Variants in ADGRB2 observed in about 807,000 individuals in gnomAD.
The protein encoded by ADGRB2 is adhesion G protein-coupled receptor B2.
In ADGRB2, 47 loss-of-function variants were observed where a neutral mutation model predicts 178.7. The ratio of observed to expected loss-of-function variants is 0.26; its 90% confidence interval spans 0.21 to 0.34. The LOEUF (loss-of-function observed/expected upper bound fraction) is 0.34. ADGRB2 is among the 10% of genes least tolerant of loss of function. The pLI is 1.00. For missense variants in ADGRB2, 1,584 were observed against 2,180.8 expected (o/e 0.73, Z 5.45); for synonymous variants, 870 against 912.4 (o/e 0.95, Z 0.84).
chr1:31,736,355 A>C lies in ADGRB2; in HGVS notation c.3166T>G (p.Phe1056Val). ...PALVVAVSVG[F>V]TRTKGYGTSS... ...GTACCGTATCCTTTCGTTCGGGTAA[A>C]GCCAACAGACACGGCCACCACCAGG... is the stretch of plus-strand genomic sequence containing the variant. Residue 1056 changes from phenylalanine (F) to valine (V), a missense_variant, in exon 22 of 33, where the codon TTT (phenylalanine) becomes GTT (valine). Physicochemically the swap from Phe to Val is conservative, Grantham distance 50. This residue lies in a region of ADGRB2 where 865 missense variants were observed against 1,192.8 expected (regional missense o/e 0.73). Coordinates refer to ENST00000373658, the MANE Select transcript of ADGRB2 (RefSeq NM_001364857.2). 6.2e-7 allele frequency: 1 copy of C among 1,614,068 alleles called. No individual in the cohort carries two copies. The highest frequency in any genetic ancestry group is 8.5e-7 in the Non-Finnish European group (1 of 1,179,996).
rs772910124 is a variant in ADGRB2 at position 31,741,862 on chromosome 1, T to G, written c.1523A>C (p.Gln508Pro). ...TCCGGTGCCCTCGCAGGGGTAGCCC[T>G]GCGTGCCCGTGGCCTGGCACATGCG... ...RFRMCQATGT[Q>P]GYPCEGTGEE... is the part of the protein sequence containing the mutation. Residue 508 changes from glutamine (Q) to proline (P), a missense_variant, in exon 9 of 33, where the codon CAG becomes CCG. By Grantham distance (76) the Gln-to-Pro change is moderately conservative (BLOSUM62 -1). Transcript: ENST00000373658. The surrounding 1 kb of genome is among the most constrained non-coding windows in gnomAD (Gnocchi z 6.5). 3 of 1,610,454 alleles carry G rather than the reference T, an allele frequency of 1.9e-6. No homozygotes were observed. In the East Asian group the frequency reaches 6.7e-5, roughly 36 times the overall value.
rs1213423958 is a variant in ADGRB2 at position 31,754,498 on chromosome 1, G to A, written c.838+1501C>T. Among the ~76,000 whole-genome samples, 2 of 152,280 alleles carry A rather than the reference G, an allele frequency of 1.3e-5. No individual in the cohort carries two copies. The highest frequency in any genetic ancestry group is 2.9e-5 in the Non-Finnish European group (2 of 68,054). ...GCGTTCTCCGCCGATGTTCAACAAAGAAGCAAAATTCAATTTCTTCCTACA... is the reference window on the plus strand; with the variant it reads ...GCGTTCTCCGCCGATGTTCAACAAAAAAGCAAAATTCAATTTCTTCCTACA... On this transcript the variant is annotated intron_variant, in intron 4 of 32. Transcript: ENST00000373658. This position sits in a 1 kb window ranked among gnomAD's most constrained non-coding sequence, Gnocchi z 5.7.
intron 18 of ADGRB2, 93 bp from the exon 19 acceptor site, chr1:31,737,848 C>G: frequency 8.4e-7 from 1 of 1,185,612 alleles, no homozygotes; most frequent in Non-Finnish European, 1.2e-6. Context: ...CTGGCATACC[C>G]ACAGGCAGAA....
rs1646844676 is a variant in ADGRB2, at chr1:31,756,555, G to A, written c.282C>T (p.Ala94=). 1 of 1,613,198 alleles carries A rather than the reference G, an allele frequency of 6.2e-7. No homozygotes were observed. The highest frequency in any genetic ancestry group is 8.5e-7 in the Non-Finnish European group (1 of 1,179,612). Residue 94 remains alanine, a synonymous_variant, in exon 4 of 33, where the codon GCC becomes GCT. Coordinates refer to ENST00000373658, the MANE Select transcript of ADGRB2 (RefSeq NM_001364857.2). This position sits in a 1 kb window ranked among gnomAD's most constrained non-coding sequence, Gnocchi z 8.5. Reference sequence around the variant, plus strand: ...AGTGGTCCAGGGGCAGCAGGCGGGGGGCAAAGTGTGCGCACACCTGCTCCT... The same window carrying A: ...AGTGGTCCAGGGGCAGCAGGCGGGGAGCAAAGTGTGCGCACACCTGCTCCT... ...NRQEQVCAHF[A]PRLLPLDHYL... is the part of the protein sequence containing the mutation.
chr1:31,762,173 G>C (rs988645570), intron 1 of ADGRB2, among the ~76,000 whole-genome samples: 1 of 152,138 alleles, frequency 6.6e-6, no homozygotes, highest in African/African-American at 2.4e-5. Flanking sequence ...CTTTTGAAGA[G>C]TGATACAGAA....
At position 31,739,366 on chromosome 1, in the gene ADGRB2, A is replaced by C; in HGVS notation, c.2437T>G (p.Tyr813Asp). 6.6e-7 allele frequency: 1 copy of C among 1,513,458 alleles called. No individual in the cohort carries two copies. The highest frequency in any genetic ancestry group is 8.9e-7 in the Non-Finnish European group (1 of 1,129,160). 93.8% of individuals were successfully genotyped at this position (1,513,458 alleles called of 1,614,324 possible). ...TAGAGTACAGCACCGATCACAAAGT[A>C]GGAGGACTCATCAGGGTCTGCTGGG... Reference protein sequence around the residue: ...LLPADPDESSYFVIGAVLYRT... With the variant: ...LLPADPDESSDFVIGAVLYRT... Residue 813 changes from tyrosine (Y) to aspartate (D), a missense_variant, in exon 15 of 33, where the codon TAC becomes GAC. Tyr to Asp is a radical substitution (Grantham distance 160, BLOSUM62 -3). Around this residue, in one of 3 missense-constraint regions of ADGRB2, gnomAD observed 865 missense variants for 1,192.8 expected, o/e 0.73. Transcript: ENST00000373658.
chr1:31,731,054 C>T lies in ADGRB2; in HGVS notation c.4126G>A (p.Ala1376Thr). The change falls in exon 29 of 33, where the codon GCC becomes ACC. Residue 1376 changes from alanine to threonine, a missense_variant. By Grantham distance (58) the Ala-to-Thr change is moderately conservative. This residue lies in a region of ADGRB2 where 865 missense variants were observed against 1,192.8 expected (regional missense o/e 0.73). Transcript: ENST00000373658. ...CGCCGGGGGGTCCCCTCCGGCCGGGCCCTGGGGGCATCCTCACCACCTCCA... is the reference window on the plus strand; with the variant it reads ...CGCCGGGGGGTCCCCTCCGGCCGGGTCCTGGGGGCATCCTCACCACCTCCA... The part of the protein sequence containing the change: ...GGGGGEDAPR[A>T]RPEGTPRRAA... The T allele has an allele frequency of 6.3e-7, 1 of 1,584,850 alleles. No individual in the cohort carries two copies. Among genetic ancestry groups the T allele is most frequent in the South Asian group, 1.1e-5 (1 of 87,882 alleles).
chr1:31,752,299 C>T lies in ADGRB2; in HGVS notation c.838+3700G>A, dbSNP rs3766825. Among the ~76,000 whole-genome samples, 135 of 152,290 alleles carry T rather than the reference C, an allele frequency of 8.9e-4. No homozygotes were observed. The East Asian group carries it at 0.025, about 28-fold the overall frequency. Reference sequence around the variant, plus strand: ...GAGATGTCTGGGGATGTCTGGGCCCCGCTCCCCACCCTATGGTAGAGCACA... The same window carrying T: ...GAGATGTCTGGGGATGTCTGGGCCCTGCTCCCCACCCTATGGTAGAGCACA... On this transcript the variant is annotated intron_variant, in intron 4 of 32. Transcript: ENST00000373658.
At chr1:31,737,845 AC>A (rs1645707980) in intron 18 of ADGRB2, 90 bp from the exon 19 acceptor site, 2 of 1,193,032 alleles carry the variant, frequency 1.7e-6, no homozygotes, top group Admixed American at 1.9e-5. Flanking sequence ...AGACTGGCAT[AC>A]CCACAGGCAG....
In ADGRB2 at chr1:31,739,448, C is replaced by A. The variant is rs1301704837; in HGVS notation, c.2355G>T (p.Arg785Ser). The A allele has an allele frequency of 3.8e-6, 6 of 1,599,390 alleles. No homozygotes were observed. Among genetic ancestry groups the A allele is most frequent in the Non-Finnish European group, 5.1e-6 (6 of 1,173,416 alleles). ...GAGGCACCGTTCCTGGGCCCCTCCC[C>A]CTGCCAGGGCTGCCTGCTGCCCCAG... The part of the protein sequence containing the change: ...ATSGAAGSPG[R>S]GRGPGTVPPG... The change falls in exon 15 of 33, where the codon AGG becomes AGT. Residue 785 changes from arginine (R) to serine (S), a missense_variant. This residue lies in a region of ADGRB2 where 865 missense variants were observed against 1,192.8 expected (regional missense o/e 0.73). Coordinates refer to ENST00000373658, the MANE Select transcript of ADGRB2 (RefSeq NM_001364857.2).
At position 31,761,897 on chromosome 1, in the gene ADGRB2, C is replaced by T. The variant is rs1346595335; in HGVS notation, c.-191+1987G>A. On this transcript the variant is annotated intron_variant, in intron 1 of 32. Coordinates refer to ENST00000373658, the MANE Select transcript of ADGRB2 (RefSeq NM_001364857.2). This position sits in a 1 kb window ranked among gnomAD's most constrained non-coding sequence, Gnocchi z 4.2. ...ACACTCTATACAAACAACCTAACTT[C>T]ATTCTCCCAACAGCTATATGAGGCA... 6.6e-6 allele frequency among the ~76,000 whole-genome samples: 1 copy of T among 152,172 alleles called. No homozygotes were observed. The highest frequency in any genetic ancestry group is 1.5e-5 in the Non-Finnish European group (1 of 68,042).
chr1:31,747,668 A>G (rs1335823651), intron 4 of ADGRB2, among the ~76,000 whole-genome samples: 3 of 152,206 alleles, frequency 2.0e-5, no homozygotes, highest in Non-Finnish European at 4.4e-5. Flanking sequence ...CCGTTGAGGG[A>G]AGGCTGTGAG....
At chr1:31,739,154 T>A (rs1645796016) in intron 15 of ADGRB2, 154 bp downstream of exon 15, 1 of 955,370 alleles carries the variant, frequency 1.0e-6, no homozygotes, top group East Asian at 2.7e-5. Flanking sequence ...TGGATAAATT[T>A]GAGAAGCATG....
rs777699035 is a variant in ADGRB2 at position 31,756,260 on chromosome 1, AGTT to A, written c.574_576del (p.Asn192del). On this transcript the variant is annotated inframe_deletion, in exon 4 of 33. Coordinates refer to ENST00000373658, the MANE Select transcript of ADGRB2 (RefSeq NM_001364857.2). The surrounding 1 kb of genome is among the most constrained non-coding windows in gnomAD (Gnocchi z 8.5). ...AGCACACCACAGGTGAATTGGCTAG[AGTT>A]GTTGTTGTTGATGAGCAAGACCTCG... The A allele has an allele frequency of 7.4e-6, 12 of 1,613,236 alleles. No homozygotes were observed. Among genetic ancestry groups the A allele is most frequent in the Middle Eastern group, 3.3e-4 (2 of 6,084 alleles).
rs1195768852 is a variant in ADGRB2, at chr1:31,754,535, C to T, written c.838+1464G>A. ...AATTTCTTCCTACAGGCACTAAATCCCAGGCCAGCCTCCAGGGCCTGTAAC... is the reference window on the plus strand; with the variant it reads ...AATTTCTTCCTACAGGCACTAAATCTCAGGCCAGCCTCCAGGGCCTGTAAC... On this transcript the variant is annotated intron_variant, in intron 4 of 32. Coordinates refer to ENST00000373658, the MANE Select transcript of ADGRB2 (RefSeq NM_001364857.2). The surrounding 1 kb of genome is among the most constrained non-coding windows in gnomAD (Gnocchi z 5.7). 4.6e-5 allele frequency among the ~76,000 whole-genome samples: 7 copies of T among 152,242 alleles called. No individual in the cohort carries two copies. Among genetic ancestry groups the T allele is most frequent in the Non-Finnish European group, 8.8e-5 (6 of 68,042 alleles).
rs754511181 is a variant in ADGRB2 at position 31,731,088 on chromosome 1, G to T, written c.4092C>A (p.Gly1364=). 2 of 1,574,356 alleles carry T rather than the reference G, an allele frequency of 1.3e-6. No individual in the cohort carries two copies. The highest frequency in any genetic ancestry group is 1.8e-5 in the Admixed American group (1 of 54,116). ...CATCCTCACCACCTCCACCCCCACC[G>T]CCAGGCTGCAGGCTCAAAGTCCGCC... ...LPRRTLSLQP[G]GGGGGGEDAP... is the part of the protein sequence containing the mutation. The change falls in exon 29 of 33, where the codon GGC becomes GGA. Residue 1364 remains glycine, a synonymous_variant. Transcript: ENST00000373658.
At position 31,755,407 on chromosome 1, in the gene ADGRB2, A is replaced by T. The variant is rs1570059897; in HGVS notation, c.838+592T>A. 6.6e-6 allele frequency among the ~76,000 whole-genome samples: 1 copy of T among 152,062 alleles called. No homozygotes were observed. The highest frequency in any genetic ancestry group is 1.5e-5 in the Non-Finnish European group (1 of 68,004). On this transcript the variant is annotated intron_variant, in intron 4 of 32. Coordinates refer to ENST00000373658, the MANE Select transcript of ADGRB2 (RefSeq NM_001364857.2). This position sits in a 1 kb window ranked among gnomAD's most constrained non-coding sequence, Gnocchi z 5.1. ...CTGAGGGGGAAGACGGGACACTGGG[A>T]GCTGAGCCAGCCCAGCCCTCCAAGG...
chr1:31,732,839 C>T (rs753901025), intron 26 of ADGRB2, 133 bp downstream of exon 26: 2 of 1,298,058 alleles, frequency 1.5e-6, no homozygotes, highest in African/African-American at 1.5e-5. Flanking sequence ...TCAGCTTCCA[C>T]AGTAAGGGCT....
At position 31,735,138 on chromosome 1, in the gene ADGRB2, C is replaced by A; in HGVS notation, c.3452+45G>T. 59 of 1,201,590 alleles carry A rather than the reference C, an allele frequency of 4.9e-5. No homozygotes were observed. The highest frequency in any genetic ancestry group is 3.1e-4 in the Middle Eastern group (1 of 3,250). 74.4% of individuals were successfully genotyped at this position (1,201,590 alleles called of 1,614,324 possible). ...CCATGGGCACTGCCCCCCCCAATTC[C>A]TTTGCCCCACCCACCCCCACCGCCC... On this transcript the variant is annotated intron_variant, in intron 25 of 32. Transcript: ENST00000373658. The surrounding 1 kb of genome is among the most constrained non-coding windows in gnomAD (Gnocchi z 6.0).
Sources: gnomAD v4.1 joint callset for allele counts (sites outside exome capture counted in the v4.1 genomes callset) on GRCh38, gnomAD v4.1.1 for gene constraint, gnomAD v4.1.1 regional missense constraint, Gnocchi (gnomAD v3.1) non-coding constraint, MANE v1.5 for transcripts, NCBI Gene and HGNC (gene_info 2026-07-23, HGNC 2026-07-21) for gene names.